Variants in NPAS3 observed in about 807,000 individuals in gnomAD.
NPAS3 encodes neuronal PAS domain-containing protein 3.
In NPAS3, 14 loss-of-function variants were observed where a neutral mutation model predicts 73.1. The observed-to-expected ratio is 0.19, with a 90% CI of 0.13 to 0.30. NPAS3 has a LOEUF of 0.30. NPAS3 is among the 10% of genes least tolerant of loss of function. The pLI, the probability that NPAS3 is intolerant of heterozygous loss-of-function variation, is 1.00. For missense variants in NPAS3, 1,096 were observed against 1,250.0 expected, an observed-to-expected ratio of 0.88 and a Z score of 1.86; for synonymous variants, 620 against 541.5, an observed-to-expected ratio of 1.14 and a Z score of -2.01.
Position 33,088,422 on chromosome 14 carries a change from A to G in NPAS3, c.140+32428A>G, listed in dbSNP as rs374360878. On this transcript the variant is annotated intron_variant, in intron 2 of 11. Transcript: ENST00000356141. ...GCCTGGCTCGGAGGGTCCCACGCCCACAGAGCCTCGCTTATTGCTGGCACA... is the reference window on the plus strand; with the variant it reads ...GCCTGGCTCGGAGGGTCCCACGCCCGCAGAGCCTCGCTTATTGCTGGCACA... Among the ~76,000 whole-genome samples the G allele has an allele frequency of 3.3e-5, 5 of 152,340 alleles. No homozygotes were observed. The East Asian group carries it at 5.8e-4, about 18-fold the overall frequency.
At chr14:33,332,833 TTCTC>T (rs1375837197) in intron 3 of NPAS3, among the ~76,000 whole-genome samples, 2 of 152,198 alleles carry the variant, frequency 1.3e-5, no homozygotes, top group African/African-American at 4.8e-5. Flanking sequence ...TGCAGCTTCT[TTCTC>T]AGAAATAACA....
At chr14:33,722,176 A>G (rs570983222) in intron 6 of NPAS3, among the ~76,000 whole-genome samples, 2 of 152,354 alleles carry the variant, frequency 1.3e-5, no homozygotes, top group African/African-American at 4.8e-5. Context: ...TGTTCATGGT[A>G]AAAACATCAA....
chr14:33,073,323 C>T (rs2041548416), intron 2 of NPAS3, among the ~76,000 whole-genome samples: 1 of 152,154 alleles, frequency 6.6e-6, no homozygotes. Context: ...CTACTAAGTT[C>T]CAGTTCCTAT....
At chr14:33,770,090 A>C (rs7141728) in intron 7 of NPAS3, among the ~76,000 whole-genome samples, 67,922 of 151,784 alleles carry the variant, frequency 0.45, 15,547 homozygotes, top group East Asian at 0.69. Context: ...ATGTCTATGA[A>C]TATTGATGCC....
At chr14:33,221,012 A>G (rs1193230159) in intron 3 of NPAS3, among the ~76,000 whole-genome samples, 1 of 152,208 alleles carries the variant, frequency 6.6e-6, no homozygotes, top group Middle Eastern at 3.2e-3. Flanking sequence ...GCTTTTACTC[A>G]TGGAGCTGCG....
chr14:32,947,036 C>G (rs1450367723), intron 1 of NPAS3, among the ~76,000 whole-genome samples: 2 of 151,944 alleles, frequency 1.3e-5, no homozygotes, highest in African/African-American at 4.8e-5. Context: ...AAGTAGTGTC[C>G]CACAGCATTT....
chr14:33,783,083 G>A (rs1012877082), intron 9 of NPAS3, among the ~76,000 whole-genome samples: 7 of 151,978 alleles, frequency 4.6e-5, no homozygotes, highest in Admixed American at 2.0e-4. Flanking sequence ...TTCCACAACC[G>A]AGCATCAATC....
chr14:33,403,896 C>G (rs1009220756), intron 4 of NPAS3, among the ~76,000 whole-genome samples: 5 of 151,926 alleles, frequency 3.3e-5, no homozygotes, highest in African/African-American at 1.2e-4. Context: ...TCAATAAGAA[C>G]TATAAATTAA....
chr14:33,787,932 A>G (rs2063228101), intron 9 of NPAS3, among the ~76,000 whole-genome samples: 1 of 152,306 alleles, frequency 6.6e-6, no homozygotes, highest in South Asian at 2.1e-4. Context: ...GCCAAAGAAA[A>G]AGTAATCCAG....
chr14:33,074,891 A>C (rs2041607326), intron 2 of NPAS3, among the ~76,000 whole-genome samples: 2 of 152,308 alleles, frequency 1.3e-5, no homozygotes, highest in East Asian at 3.9e-4. Context: ...TACAAGATTC[A>C]CACTCTTATT....
At chr14:33,753,762 T>C (rs559782715) in intron 7 of NPAS3, among the ~76,000 whole-genome samples, 8 of 152,328 alleles carry the variant, frequency 5.3e-5, no homozygotes, top group Admixed American at 1.3e-4. Flanking sequence ...GATCTATTTT[T>C]TCCTAAGCTT....
intron 3 of NPAS3, among the ~76,000 whole-genome samples, chr14:33,274,213 AAC>A (rs2041227183): frequency 6.6e-6 from 1 of 152,220 alleles, no homozygotes; most frequent in Non-Finnish European, 1.5e-5. Flanking sequence ...CTTTGGCCAA[AAC>A]ACAGTGATTG....
chr14:33,434,682 TA>T (rs1348313541), intron 4 of NPAS3, among the ~76,000 whole-genome samples: 1 of 152,212 alleles, frequency 6.6e-6, no homozygotes, highest in Non-Finnish European at 1.5e-5. Flanking sequence ...ACACTGTTTT[TA>T]AAAAATGCTA....
intron 4 of NPAS3, among the ~76,000 whole-genome samples, chr14:33,473,409 A>G (rs977996481): frequency 6.6e-6 from 1 of 152,220 alleles, no homozygotes; most frequent in Non-Finnish European, 1.5e-5. Context: ...ATTAGCTTTC[A>G]GAGAATGCGG....
chr14:33,601,609 G>A, intron 5 of NPAS3, among the ~76,000 whole-genome samples: 1 of 152,118 alleles, frequency 6.6e-6, no homozygotes, highest in Admixed American at 6.5e-5. Context: ...TCATCACATT[G>A]GTTAAGTGAC....
intron 1 of NPAS3, among the ~76,000 whole-genome samples, chr14:32,951,862 T>C (rs1382261105): frequency 6.6e-6 from 1 of 152,052 alleles, no homozygotes; most frequent in African/African-American, 2.4e-5. Flanking sequence ...TCCTAATTCT[T>C]CTCCTTTACT....
intron 2 of NPAS3, among the ~76,000 whole-genome samples, chr14:33,166,765 C>T (rs1028622596): frequency 6.6e-6 from 1 of 152,086 alleles, no homozygotes; most frequent in Admixed American, 6.6e-5. Flanking sequence ...GATTCTGCCT[C>T]ACTGATGAAT....
Position 33,398,017 on chromosome 14 carries a change from C to G in NPAS3, c.468+30749C>G, listed in dbSNP as rs186078521. The stretch of plus-strand genomic sequence containing the variant: ...TGATTTATATGAAGCCTCCAATTAT[C>G]TTTTCAGTACACCAATGCCAAAAAT... On this transcript the variant is annotated intron_variant, in intron 4 of 11. Transcript: ENST00000356141. Among the ~76,000 whole-genome samples the G allele has an allele frequency of 4.0e-4, 61 of 152,224 alleles. No individual in the cohort carries two copies. The East Asian group carries it at 5.8e-3, about 14-fold the overall frequency.
intron 4 of NPAS3, among the ~76,000 whole-genome samples, chr14:33,451,034 T>G (rs1411531321): frequency 6.6e-6 from 1 of 152,192 alleles, no homozygotes; most frequent in Non-Finnish European, 1.5e-5. Context: ...AGTTGTGTAG[T>G]CTTACTCTAT....
Sources: gnomAD v4.1 joint callset for allele counts (sites outside exome capture counted in the v4.1 genomes callset) on GRCh38, gnomAD v4.1.1 for gene constraint, MANE v1.5 for transcripts, NCBI Gene and HGNC (gene_info 2026-07-23, HGNC 2026-07-21) for gene names.